Variants in WDR36 observed in about 807,000 individuals in gnomAD.
WDR36 encodes WD repeat domain 36.
In WDR36, 63 loss-of-function variants were observed where a neutral mutation model predicts 112.7. The observed-to-expected ratio is 0.56, with a 90% CI of 0.46 to 0.69. The LOEUF is 0.69. Among genes scored for constraint, WDR36 ranks in the 30% least tolerant of loss-of-function variants. The pLI, the probability that WDR36 is intolerant of heterozygous loss-of-function variation, is 0.00. For synonymous variants in WDR36, 410 were observed against 362.2 expected, an observed-to-expected ratio of 1.13 and a Z score of -1.50; for missense variants, 1,226 against 1,070.3, an observed-to-expected ratio of 1.15 and a Z score of -2.03.
At position 111,123,812 on chromosome 5, in the gene WDR36, A is replaced by G; in HGVS notation, c.2156A>G (p.Asn719Ser). The G allele has an allele frequency of 6.2e-7, 1 of 1,613,738 alleles. No individual in the cohort carries two copies. Among genetic ancestry groups the G allele is most frequent in the Non-Finnish European group, 8.5e-7 (1 of 1,179,834 alleles). Residue 719 changes from asparagine (N) to serine (S), a missense_variant, in exon 20 of 23, where the codon AAT becomes AGT. Transcript: ENST00000513710. ...LLNLDVIKKK[N>S]KPKEPPKVPK... ...TCATTTTCTCTTAATCAGAAAAAGA[A>G]TAAACCAAAGGAACCACCCAAAGTA...
intron 13 of WDR36, 98 bp from the exon 14 acceptor site, chr5:111,110,690 C>A: frequency 1.5e-6 from 2 of 1,296,932 alleles, no homozygotes; most frequent in African/African-American, 1.5e-5. Context: ...ATTTAAGTGG[C>A]ACCTTACATA....
intron 15 of WDR36, 131 bp downstream of exon 15, chr5:111,111,409 T>A: frequency 2.5e-6 from 2 of 786,448 alleles, no homozygotes; most frequent in South Asian, 3.1e-5. Context: ...TTTCAAAGAT[T>A]TTAAAGGAAA....
At chr5:111,109,970 G>T (rs1753293797) in intron 12 of WDR36, among the ~76,000 whole-genome samples, 1 of 151,270 alleles carries the variant, frequency 6.6e-6, no homozygotes, top group South Asian at 2.1e-4. Context: ...TTCTTAGATA[G>T]TAATTCTTCA....
chr5:111,096,628 TG>T (rs1239274937), intron 2 of WDR36, among the ~76,000 whole-genome samples: 2 of 151,762 alleles, frequency 1.3e-5, no homozygotes, highest in Non-Finnish European at 2.9e-5. Context: ...CAGTTAAACC[TG>T]GGAGGCGGAT....
At chr5:111,107,558 C>A in intron 12 of WDR36, 119 bp downstream of exon 12, 1 of 1,352,106 alleles carries the variant, frequency 7.4e-7, no homozygotes, top group Non-Finnish European at 1.0e-6. Flanking sequence ...CATTTTAAAG[C>A]ATTGCATAAC....
intron 2 of WDR36, among the ~76,000 whole-genome samples, chr5:111,095,767 G>A (rs750079459): frequency 6.6e-5 from 10 of 152,200 alleles, no homozygotes; most frequent in Admixed American, 2.0e-4. Flanking sequence ...TCAGCCTATA[G>A]TGATTTTCTT....
chr5:111,093,026 A>G (rs1752900315), intron 1 of WDR36, among the ~76,000 whole-genome samples: 1 of 152,264 alleles, frequency 6.6e-6, no homozygotes, highest in Non-Finnish European at 1.5e-5. Context: ...CTCTAGGTAG[A>G]ATACATTGGG....
chr5:111,123,727 A>G, intron 19 of WDR36, 78 bp from the exon 20 acceptor site: 2 of 1,561,600 alleles, frequency 1.3e-6, no homozygotes, highest in Non-Finnish European at 8.7e-7. Context: ...TATTTGTTTT[A>G]AAATTGATTT....
intron 21 of WDR36, 56 bp from the exon 22 acceptor site, chr5:111,125,552 A>T: frequency 6.5e-7 from 1 of 1,542,350 alleles, no homozygotes. Context: ...GAAAACTGTA[A>T]TTTTCTAAGT....
chr5:111,094,991 T>G (rs1226805712), intron 2 of WDR36, 44 bp downstream of exon 2: 3 of 1,563,658 alleles, frequency 1.9e-6, no homozygotes, highest in Non-Finnish European at 2.6e-6. Flanking sequence ...TCTAAACTTT[T>G]TTTTTATTTT....
intron 11 of WDR36, 30 bp from the exon 12 acceptor site, chr5:111,107,264 A>G: frequency 6.2e-7 from 1 of 1,600,344 alleles, no homozygotes; most frequent in Non-Finnish European, 8.5e-7. Flanking sequence ...ATGAAAAGTA[A>G]TTTGATTTAT....
chr5:111,124,558 A>G (rs951430394), intron 21 of WDR36, among the ~76,000 whole-genome samples: 15 of 152,240 alleles, frequency 9.9e-5, no homozygotes, highest in African/African-American at 3.4e-4. Flanking sequence ...GTTTTTATTT[A>G]TAATTTGTAA....
At chr5:111,104,496 C>G (rs1753185270) in intron 8 of WDR36, 144 bp downstream of exon 8, 1 of 1,383,572 alleles carries the variant, frequency 7.2e-7, no homozygotes, top group African/African-American at 1.4e-5. Context: ...ACAAAAAGCA[C>G]AGCAGGTGAC....
At chr5:111,112,662 A>G (rs934108084) in intron 15 of WDR36, among the ~76,000 whole-genome samples, 1 of 152,014 alleles carries the variant, frequency 6.6e-6, no homozygotes, top group Non-Finnish European at 1.5e-5. Flanking sequence ...TGATTATTAT[A>G]GTTTGTTTAG....
At chr5:111,095,369 A>G (rs992862779) in intron 2 of WDR36, among the ~76,000 whole-genome samples, 1 of 152,158 alleles carries the variant, frequency 6.6e-6, no homozygotes, top group Non-Finnish European at 1.5e-5. Context: ...AGGAGGCTCT[A>G]TTTTTAAGTT....
In WDR36 at chr5:111,127,918, G is replaced by GT. The variant is rs780211351; in HGVS notation, c.*1039dup. The GT allele has an allele frequency of 7.4e-5, 13 of 175,552 alleles. No homozygotes were observed. In the East Asian group the frequency reaches 1.2e-3, roughly 16 times the overall value. 10.9% of individuals were successfully genotyped at this position (175,552 alleles called of 1,614,324 possible). A position where few individuals can be genotyped will look rare whatever the true frequency, so the allele number is the denominator to read the frequency against. ...GCCAGGGTTTTTTTTATTTTGTTTT[G>GT]TTTTGTTTTTTTTTTTTTTTTTTTG... On this transcript the variant is annotated 3_prime_UTR_variant, in exon 23 of 23. Coordinates refer to ENST00000513710, the MANE Select transcript of WDR36 (RefSeq NM_139281.3).
rs1753700110 is a variant in WDR36, at chr5:111,127,649, T to C, written c.*766T>C. The C allele has an allele frequency of 4.7e-6, 1 of 210,584 alleles. No homozygotes were observed. The highest frequency in any genetic ancestry group is 1.9e-4 in the South Asian group (1 of 5,352). 13.0% of individuals were successfully genotyped at this position (210,584 alleles called of 1,614,324 possible). A position where few individuals can be genotyped will look rare whatever the true frequency, so the allele number is the denominator to read the frequency against. On this transcript the variant is annotated 3_prime_UTR_variant, in exon 23 of 23. Coordinates refer to ENST00000513710, the MANE Select transcript of WDR36 (RefSeq NM_139281.3). ...TAATGTACTGAAAGGAAGTTGTTCA[T>C]GGATCAGAAATGTGGGAGGCCCTTC... is the stretch of plus-strand genomic sequence containing the variant.
rs774951989 is a variant in WDR36, at chr5:111,092,424, C to G, written c.-33C>G. The G allele has an allele frequency of 1.9e-6, 3 of 1,614,212 alleles. No individual in the cohort carries two copies. Among genetic ancestry groups the G allele is most frequent in the Admixed American group, 1.7e-5 (1 of 60,020 alleles). On this transcript the variant is annotated 5_prime_UTR_variant, in exon 1 of 23. Coordinates refer to ENST00000513710, the MANE Select transcript of WDR36 (RefSeq NM_139281.3). ...ACTGGGTACGTGTTTTCCTTCAGGA[C>G]CAGAGCTGAGAGGAGCTGGGATCGC...
chr5:111,100,679 G>T lies in WDR36; in HGVS notation c.500G>T (p.Gly167Val). The part of the protein sequence containing the change: ...PSTYLNKILL[G>V]SEQGSLQLWN... Reference sequence around the variant, plus strand: ...ACCTACTTGAATAAAATACTTCTGGGCAGTGAACAAGGAAGCCTGCAGTTG... The same window carrying T: ...ACCTACTTGAATAAAATACTTCTGGTCAGTGAACAAGGAAGCCTGCAGTTG... The change falls in exon 5 of 23, where the codon GGC becomes GTC. Residue 167 changes from glycine (G) to valine (V), a missense_variant. Gly to Val is a moderately radical substitution (Grantham distance 109, BLOSUM62 -3). Transcript: ENST00000513710. The T allele has an allele frequency of 6.2e-7, 1 of 1,608,930 alleles. No individual in the cohort carries two copies. The highest frequency in any genetic ancestry group is 8.5e-7 in the Non-Finnish European group (1 of 1,176,770).
Sources: gnomAD v4.1 joint callset for allele counts (sites outside exome capture counted in the v4.1 genomes callset) on GRCh38, gnomAD v4.1.1 for gene constraint, MANE v1.5 for transcripts, NCBI Gene and HGNC (gene_info 2026-07-23, HGNC 2026-07-21) for gene names.